DRC3: variants seen among roughly 807,000 people sequenced by gnomAD.
DRC3 encodes leucine rich repeat containing 48.
DRC3 carries 45 observed loss-of-function variants against 57.6 expected under a neutral mutation model. The ratio of observed to expected loss-of-function variants is 0.78; its 90% confidence interval spans 0.62 to 1.00. The LOEUF (loss-of-function observed/expected upper bound fraction) is 1.00, where lower values mean the gene tolerates loss of function less well. Among genes scored for constraint, DRC3 ranks in the 50% least tolerant of loss-of-function variants. DRC3 has a pLI of 0.00. For synonymous variants in DRC3, 257 were observed against 272.3 expected (o/e 0.94, Z 0.55); for missense variants, 655 against 675.2 (o/e 0.97, Z 0.33).
intron 12 of DRC3, among the ~76,000 whole-genome samples, chr17:18,014,682 C>T (rs1252910094): frequency 6.6e-6 from 1 of 152,116 alleles, no homozygotes; most frequent in Admixed American, 6.5e-5. Context: ...GCTTAGAGCT[C>T]CACTATGACC....
chr17:18,015,913 TC>T, intron 12 of DRC3, 150 bp from the exon 13 acceptor site: 1 of 755,762 alleles, frequency 1.3e-6, no homozygotes, highest in South Asian at 1.8e-5. Flanking sequence ...CACAGATGAA[TC>T]GGCAGAGTGC....
In DRC3 at chr17:17,977,755, C is replaced by CGGAG; in HGVS notation, c.158_160+1dup. 1 of 1,599,660 alleles carries CGGAG rather than the reference C, an allele frequency of 6.3e-7. No homozygotes were observed. Among genetic ancestry groups the CGGAG allele is most frequent in the African/African-American group, 1.3e-5 (1 of 74,570 alleles). ...TGTCCTGTCCCTGCAGCTGGACTTT[C>CGGAG]GGAGTATGTATCCAAGGTTCAGGGG... On this transcript the variant is annotated frameshift_variant, in exon 3 of 14. Transcript: ENST00000399187. LOFTEE classifies it high-confidence loss of function.
chr17:17,974,353 C>G (rs949136805), intron 2 of DRC3, among the ~76,000 whole-genome samples: 10 of 152,314 alleles, frequency 6.6e-5, no homozygotes, highest in African/African-American at 2.4e-4. Context: ...AAACTAAGAT[C>G]TGATCACATT....
In DRC3 at chr17:17,987,991, G is replaced by T. The variant is rs1250116004; in HGVS notation, c.337G>T (p.Asp113Tyr). ...GCTGGACACACTGGTGAACCTGGAG[G>T]ACCTGAGCTTGTTCAACAACCGGAT... ...EGLDTLVNLE[D>Y]LSLFNNRISK... The change falls in exon 5 of 14, where the codon GAC becomes TAC. Residue 113 changes from aspartate (D) to tyrosine (Y), a missense_variant. Physicochemically the swap from Asp to Tyr is radical, Grantham distance 160. Transcript: ENST00000399187. 1 of 1,613,944 alleles carries T rather than the reference G, an allele frequency of 6.2e-7. No homozygotes were observed. Among genetic ancestry groups the T allele is most frequent in the Non-Finnish European group, 8.5e-7 (1 of 1,179,876 alleles).
At position 18,005,965 on chromosome 17, in the gene DRC3, AT is replaced by A. The variant is rs1457532575; in HGVS notation, c.1132-216del. ...CAAAGTTCCGGTGACAGCATTAAAC[AT>A]TCAGATGGTGAGGGAGTTAATATGG... On this transcript the variant is annotated intron_variant, in intron 10 of 13. Transcript: ENST00000399187. The A allele has an allele frequency of 7.2e-6, 4 of 555,744 alleles. No individual in the cohort carries two copies. The Admixed American group carries it at 1.2e-4, about 17-fold the overall frequency. The allele number at this position is 555,744 out of a possible 1,614,324, so 34.4% of individuals were successfully genotyped here.
At chr17:17,979,462 T>A (rs143293752) in intron 3 of DRC3, among the ~76,000 whole-genome samples, 4 of 152,190 alleles carry the variant, frequency 2.6e-5, no homozygotes, top group Non-Finnish European at 4.4e-5. Context: ...CAGTGAGTGA[T>A]GACCACAGGC....
rs977452892 is a variant in DRC3 at position 17,978,120 on chromosome 17, G to A, written c.160+362G>A. 11 of 181,036 alleles carry A rather than the reference G, an allele frequency of 6.1e-5. No homozygotes were observed. In the East Asian group the frequency reaches 1.4e-3, roughly 24 times the overall value. The allele number at this position is 181,036 out of a possible 1,614,324, so 11.2% of individuals were successfully genotyped here. A position where few individuals can be genotyped will look rare whatever the true frequency, so the allele number is the denominator to read the frequency against. On this transcript the variant is annotated intron_variant, in intron 3 of 13. Transcript: ENST00000399187. ...GCAGGCAGAGCCTAGGAAGTCCCAC[G>A]TAGCCAGAAGCAGAGGGTAGGAAGT... is the stretch of plus-strand genomic sequence containing the variant.
At chr17:18,006,796 GGAGGGA>G in intron 11 of DRC3, 1 of 560,316 alleles carries the variant, frequency 1.8e-6, no homozygotes, top group Admixed American at 3.2e-5. Flanking sequence ...CCTCCATGCA[GGAGGGA>G]GAGAAGAGTG....
chr17:17,982,049 G>A (rs1241530171), intron 3 of DRC3, among the ~76,000 whole-genome samples: 1 of 150,820 alleles, frequency 6.6e-6, no homozygotes, highest in Non-Finnish European at 1.5e-5. Context: ...CTGGAGTTCA[G>A]TGGCGTAATC....
chr17:17,992,570 T>C (rs559466528), intron 5 of DRC3, among the ~76,000 whole-genome samples, 195 bp from the exon 6 acceptor site: 1 of 152,244 alleles, frequency 6.6e-6, no homozygotes, highest in South Asian at 2.1e-4. Flanking sequence ...GAAAAGCCCA[T>C]TTCTGACAGA....
Position 17,997,540 on chromosome 17 carries a change from T to G in DRC3, c.905T>G (p.Leu302Arg), listed in dbSNP as rs2043511135. 2 of 1,611,072 alleles carry G rather than the reference T, an allele frequency of 1.2e-6. No individual in the cohort carries two copies. Among genetic ancestry groups the G allele is most frequent in the Admixed American group, 3.4e-5 (2 of 59,496 alleles). ...LKQQEKRKTE[L>R]DTFSECVREA... ...CAGCAGGAGAAGCGGAAAACAGAGCTTGACACCTTCAGTGAATGTGTCCGT... is the reference window on the plus strand; with the variant it reads ...CAGCAGGAGAAGCGGAAAACAGAGCGTGACACCTTCAGTGAATGTGTCCGT... The change falls in exon 9 of 14, where the codon CTT becomes CGT. Residue 302 changes from leucine to arginine, a missense_variant. By Grantham distance (102) the Leu-to-Arg change is moderately radical. Coordinates refer to ENST00000399187, the MANE Select transcript of DRC3 (RefSeq NM_031294.4).
chr17:17,975,700 C>T (rs1018165130), intron 2 of DRC3, among the ~76,000 whole-genome samples: 1 of 152,108 alleles, frequency 6.6e-6, no homozygotes, highest in African/African-American at 2.4e-5. Flanking sequence ...GAATCAGTCA[C>T]CCCAACGAGG....
At chr17:17,999,254 C>T (rs1597612586) in intron 9 of DRC3, among the ~76,000 whole-genome samples, 1 of 152,204 alleles carries the variant, frequency 6.6e-6, no homozygotes, top group Non-Finnish European at 1.5e-5. Context: ...AAGGCCACCT[C>T]GGACGAGCTG....
At chr17:17,984,974 G>A (rs2042891464) in intron 4 of DRC3, among the ~76,000 whole-genome samples, 1 of 152,148 alleles carries the variant, frequency 6.6e-6, no homozygotes, top group Non-Finnish European at 1.5e-5. Flanking sequence ...ATGTGCTACA[G>A]GTAGCAGGAG....
At chr17:17,983,303 C>T (rs1346158095) in intron 3 of DRC3, among the ~76,000 whole-genome samples, 1 of 152,178 alleles carries the variant, frequency 6.6e-6, no homozygotes, top group East Asian at 1.9e-4. Context: ...AGATAGATTC[C>T]ATGTAGAGAA....
intron 12 of DRC3, chr17:18,015,454 C>A (rs995158016): frequency 6.6e-6 from 1 of 152,588 alleles, no homozygotes; most frequent in African/African-American, 2.4e-5. Context: ...AGTGTCAACA[C>A]CTAGAACCAG....
chr17:17,983,763 C>A, intron 3 of DRC3, 65 bp from the exon 4 acceptor site: 1 of 1,195,326 alleles, frequency 8.4e-7, no homozygotes. Flanking sequence ...TGCCTCACTC[C>A]TCCTGTACAC....
In DRC3 at chr17:17,997,455, C is replaced by T; in HGVS notation, c.825-5C>T. 6.2e-7 allele frequency: 1 copy of T among 1,612,494 alleles called. No individual in the cohort carries two copies. Among genetic ancestry groups the T allele is most frequent in the Non-Finnish European group, 8.5e-7 (1 of 1,179,412 alleles). On this transcript the variant is annotated splice_region_variant and splice_polypyrimidine_tract_variant and intron_variant, in intron 8 of 13. Coordinates refer to ENST00000399187, the MANE Select transcript of DRC3 (RefSeq NM_031294.4). ...CAGCTGTGGGCTTCCTTAACAGCCA[C>T]TCACCTACAAGGACAAGTTTGTCAT...
intron 3 of DRC3, among the ~76,000 whole-genome samples, chr17:17,982,601 A>G (rs1481944313): frequency 5.9e-5 from 8 of 134,890 alleles, no homozygotes; most frequent in Non-Finnish European, 1.2e-4. Context: ...TTTTTTTGAG[A>G]TGGAGTCTCG....
Sources: gnomAD v4.1 joint callset for allele counts (sites outside exome capture counted in the v4.1 genomes callset) on GRCh38, gnomAD v4.1.1 for gene constraint, MANE v1.5 for transcripts, NCBI Gene and HGNC (gene_info 2026-07-23, HGNC 2026-07-21) for gene names.